GRIN2B: variants seen among roughly 807,000 people sequenced by gnomAD.
GRIN2B encodes glutamate receptor ionotropic, NMDA 2B.
GRIN2B carries 5 observed loss-of-function variants against 114.5 expected under a neutral mutation model. That is an observed-to-expected ratio of 0.04 (90% CI 0.02 to 0.09). The LOEUF (loss-of-function observed/expected upper bound fraction) is 0.09. Among genes scored for constraint, GRIN2B ranks in the 10% least tolerant of loss-of-function variants. GRIN2B has a pLI of 1.00. For missense variants in GRIN2B, 1,108 were observed against 1,943.5 expected, an observed-to-expected ratio of 0.57 and a Z score of 8.08; for synonymous variants, 787 against 745.1, an observed-to-expected ratio of 1.06 and a Z score of -0.92.
At chr12:13,583,270 C>T (rs936532630) in intron 10 of GRIN2B, among the ~76,000 whole-genome samples, 1 of 152,286 alleles carries the variant, frequency 6.6e-6, no homozygotes, top group East Asian at 1.9e-4. Context: ...ATTCCAGCAG[C>T]AGCTAATGCT....
chr12:13,623,241 T>C (rs191350909), intron 5 of GRIN2B, among the ~76,000 whole-genome samples: 3 of 152,336 alleles, frequency 2.0e-5, no homozygotes, highest in Admixed American at 6.5e-5. Context: ...CATAGCCCTA[T>C]TGATATTTAT....
At chr12:13,877,484 GTGT>G (rs1468303242) in intron 2 of GRIN2B, among the ~76,000 whole-genome samples, 4 of 152,184 alleles carry the variant, frequency 2.6e-5, no homozygotes, top group African/African-American at 9.7e-5. Context: ...AACATTACCT[GTGT>G]AACTGAGCAC....
intron 4 of GRIN2B, among the ~76,000 whole-genome samples, chr12:13,681,191 C>A (rs1950128844): frequency 6.6e-6 from 1 of 152,142 alleles, no homozygotes; most frequent in Non-Finnish European, 1.5e-5. Context: ...CATGTCTTTA[C>A]AAGCACTAGA....
intron 3 of GRIN2B, among the ~76,000 whole-genome samples, chr12:13,754,998 C>G (rs534815429): frequency 1.2e-4 from 18 of 152,276 alleles, no homozygotes; most frequent in Admixed American, 7.2e-4. Context: ...CAGTCTTGTC[C>G]TCCTATTTCC....
chr12:13,863,301 C>A (rs1003453592), intron 3 of GRIN2B, among the ~76,000 whole-genome samples: 2 of 152,160 alleles, frequency 1.3e-5, no homozygotes, highest in African/African-American at 4.8e-5. Flanking sequence ...TCCAGTATTG[C>A]CTGATTATAA....
chr12:13,914,982 TCAGC>T (rs1866688768), intron 2 of GRIN2B, among the ~76,000 whole-genome samples: 1 of 152,164 alleles, frequency 6.6e-6, no homozygotes, highest in African/African-American at 2.4e-5. Context: ...TACCTAGTGC[TCAGC>T]AGTTCAGTAG....
intron 4 of GRIN2B, among the ~76,000 whole-genome samples, chr12:13,688,346 C>T (rs1412940787): frequency 6.6e-6 from 1 of 152,118 alleles, no homozygotes; most frequent in Non-Finnish European, 1.5e-5. Context: ...GTCCCTGATG[C>T]CATCACCATA....
intron 4 of GRIN2B, among the ~76,000 whole-genome samples, chr12:13,727,405 C>T (rs1030125662): frequency 7.8e-6 from 1 of 128,870 alleles, no homozygotes; most frequent in Non-Finnish European, 1.8e-5. Context: ...AAAGGATGTT[C>T]ATTTTATCAA....
At chr12:13,569,674 A>G (rs1304180347) in intron 12 of GRIN2B, among the ~76,000 whole-genome samples, 156 bp downstream of exon 12, 1 of 152,222 alleles carries the variant, frequency 6.6e-6, no homozygotes, top group Non-Finnish European at 1.5e-5. Flanking sequence ...TATGGCAGCA[A>G]TAGGAAACAA....
chr12:13,863,584 G>A (rs917883943), intron 3 of GRIN2B, among the ~76,000 whole-genome samples: 7 of 152,158 alleles, frequency 4.6e-5, no homozygotes, highest in African/African-American at 1.7e-4. Flanking sequence ...GTCGCTAACT[G>A]GTTAAGAGTA....
At chr12:13,906,108 T>C (rs1307052741) in intron 2 of GRIN2B, among the ~76,000 whole-genome samples, 1 of 152,204 alleles carries the variant, frequency 6.6e-6, no homozygotes, top group Non-Finnish European at 1.5e-5. Context: ...ATGCCTTATC[T>C]TCTTATAGCA....
chr12:13,586,767 T>A (rs1485506109), intron 10 of GRIN2B, among the ~76,000 whole-genome samples: 2 of 152,214 alleles, frequency 1.3e-5, no homozygotes, highest in African/African-American at 4.8e-5. Flanking sequence ...GTCAAATATT[T>A]CTTATCTACA....
intron 2 of GRIN2B, among the ~76,000 whole-genome samples, chr12:13,918,388 T>C (rs1403925346): frequency 6.6e-6 from 1 of 152,124 alleles, no homozygotes. Context: ...CTGGATCACA[T>C]AGCAAGACCC....
intron 3 of GRIN2B, among the ~76,000 whole-genome samples, chr12:13,831,692 A>G (rs1865150337): frequency 6.6e-6 from 1 of 152,158 alleles, no homozygotes. Context: ...CCTCTAGACC[A>G]ATGTCATAGG....
intron 3 of GRIN2B, among the ~76,000 whole-genome samples, chr12:13,863,741 T>C (rs1211353548): frequency 2.6e-5 from 4 of 152,174 alleles, no homozygotes; most frequent in Non-Finnish European, 5.9e-5. Flanking sequence ...ATGTTGTGGA[T>C]TTGTAAAAGG....
intron 2 of GRIN2B, among the ~76,000 whole-genome samples, chr12:13,897,741 A>G (rs997155848): frequency 1.3e-5 from 2 of 152,162 alleles, no homozygotes; most frequent in South Asian, 2.1e-4. Context: ...TTTAAAAATT[A>G]CATCAATAAA....
chr12:13,830,381 A>C (rs763756309), intron 3 of GRIN2B, among the ~76,000 whole-genome samples: 19 of 152,206 alleles, frequency 1.2e-4, no homozygotes, highest in Non-Finnish European at 2.1e-4. Context: ...TTTTCAACAC[A>C]TGACTTCTAG....
chr12:13,944,286 A>AT (rs1481458970), intron 2 of GRIN2B, among the ~76,000 whole-genome samples: 1 of 152,206 alleles, frequency 6.6e-6, no homozygotes, highest in Non-Finnish European at 1.5e-5. Context: ...CAAAGCCACT[A>AT]TCTCAGTCAT....
At chr12:13,656,284 A>G (rs1949862595) in intron 5 of GRIN2B, among the ~76,000 whole-genome samples, 1 of 152,252 alleles carries the variant, frequency 6.6e-6, no homozygotes, top group Non-Finnish European at 1.5e-5. Flanking sequence ...ACAGAGAAAG[A>G]GACAAATGGT....
Sources: allele counts gnomAD v4.1 joint callset (sites outside exome capture counted in the v4.1 genomes callset), GRCh38; gene constraint gnomAD v4.1.1; transcripts MANE v1.5; gene names NCBI Gene and HGNC (gene_info 2026-07-23, HGNC 2026-07-21).